Variants in UHRF2 observed in about 807,000 individuals in gnomAD.
UHRF2 encodes the protein ubiquitin like with PHD and ring finger domains 2.
UHRF2 carries 23 observed loss-of-function variants against 96.8 expected under a neutral mutation model. The ratio of observed to expected loss-of-function variants is 0.24; its 90% CI spans 0.17 to 0.34. The LOEUF (loss-of-function observed/expected upper bound fraction) is 0.34. Among genes scored for constraint, UHRF2 ranks in the 10% least tolerant of loss-of-function variants. The pLI, the probability that UHRF2 is intolerant of heterozygous loss-of-function variation, is 1.00. For synonymous variants in UHRF2, 385 were observed against 332.6 expected (o/e 1.16, Z -1.72); for missense variants, 685 against 981.5 (o/e 0.70, Z 4.04).
chr9:6,489,931 A>G (rs1443697962), intron 9 of UHRF2, among the ~76,000 whole-genome samples: 2 of 152,214 alleles, frequency 1.3e-5, no homozygotes, highest in Non-Finnish European at 2.9e-5. Context: ...ATGGCAAAGT[A>G]AATGGAAATG....
chr9:6,485,169 A>G (rs761932195), intron 8 of UHRF2, among the ~76,000 whole-genome samples: 1 of 152,172 alleles, frequency 6.6e-6, no homozygotes, highest in Non-Finnish European at 1.5e-5. Flanking sequence ...CAATAGTTGT[A>G]TTATAATTTT....
intron 9 of UHRF2, among the ~76,000 whole-genome samples, chr9:6,489,439 A>G (rs574218644): frequency 6.6e-6 from 1 of 152,328 alleles, no homozygotes; most frequent in South Asian, 2.1e-4. Context: ...CAGAAGTGCA[A>G]TTCCTGGGTC....
intron 2 of UHRF2, among the ~76,000 whole-genome samples, chr9:6,425,842 GC>G (rs1203224417): frequency 6.6e-6 from 1 of 151,972 alleles, no homozygotes; most frequent in Non-Finnish European, 1.5e-5. Flanking sequence ...TGCTTTTAGA[GC>G]CTTCAACAGA....
intron 15 of UHRF2, among the ~76,000 whole-genome samples, chr9:6,505,693 C>T (rs73639308): frequency 0.03 from 4,572 of 152,092 alleles, 253 homozygotes; most frequent in African/African-American, 0.1. Flanking sequence ...TTTTTTTCCC[C>T]CTCTAGGGCT....
At chr9:6,421,204 G>T in intron 2 of UHRF2, 62 bp downstream of exon 2, 1 of 1,296,262 alleles carries the variant, frequency 7.7e-7, no homozygotes, top group Non-Finnish European at 1.1e-6. Flanking sequence ...TTCTGTTCAG[G>T]ATGTTTTGAA....
At chr9:6,449,878 G>A (rs1821746060) in intron 3 of UHRF2, among the ~76,000 whole-genome samples, 1 of 152,292 alleles carries the variant, frequency 6.6e-6, no homozygotes, top group Admixed American at 6.5e-5. Context: ...GAGGCATTAA[G>A]CATGCCCTGT....
At chr9:6,425,146 TAATGTACTTC>T (rs1048390819) in intron 2 of UHRF2, among the ~76,000 whole-genome samples, 5 of 152,214 alleles carry the variant, frequency 3.3e-5, no homozygotes, top group African/African-American at 1.2e-4. Flanking sequence ...AGTGGGAAGT[TAATGTACTTC>T]ACTGCCTTGA....
In UHRF2 at chr9:6,413,395, G is replaced by A; in HGVS notation, c.-96G>A. ...CGCGCTCGCCCGCCTGCCGCTGAGGGCCCGAGCCGCAGGGAAAGCGGCGCG... is the reference window on the plus strand; with the variant it reads ...CGCGCTCGCCCGCCTGCCGCTGAGGACCCGAGCCGCAGGGAAAGCGGCGCG... On this transcript the variant is annotated 5_prime_UTR_variant, in exon 1 of 16. Coordinates refer to ENST00000276893, the MANE Select transcript of UHRF2 (RefSeq NM_152896.3). 1 of 1,217,988 alleles carries A rather than the reference G, an allele frequency of 8.2e-7. No homozygotes were observed. The highest frequency in any genetic ancestry group is 1.0e-6 in the Non-Finnish European group (1 of 960,452). 75.4% of individuals were successfully genotyped at this position (1,217,988 alleles called of 1,614,324 possible). A position where few individuals can be genotyped will look rare whatever the true frequency, so the allele number is the denominator to read the frequency against.
At chr9:6,488,388 A>G (rs1182409264) in intron 9 of UHRF2, among the ~76,000 whole-genome samples, 1 of 150,856 alleles carries the variant, frequency 6.6e-6, no homozygotes, top group East Asian at 1.9e-4. Context: ...CAATATCAGA[A>G]CCAGGATATT....
rs760551839 is a variant in UHRF2 at position 6,421,178 on chromosome 9, T to A, written c.384+36T>A. The A allele has an allele frequency of 6.3e-6, 9 of 1,434,440 alleles. No individual in the cohort carries two copies. The East Asian group carries it at 1.9e-4, about 30-fold the overall frequency. 88.9% of individuals were successfully genotyped at this position (1,434,440 alleles called of 1,614,324 possible). Reference sequence around the variant, plus strand: ...TTCTTCAGACTTACTGTTGTGAGAATACAAATAAATTTATTTTCTGTTCAG... The same window carrying A: ...TTCTTCAGACTTACTGTTGTGAGAAAACAAATAAATTTATTTTCTGTTCAG... On this transcript the variant is annotated intron_variant, in intron 2 of 15. Transcript: ENST00000276893.
At chr9:6,473,956 C>G (rs1823405266) in intron 4 of UHRF2, among the ~76,000 whole-genome samples, 2 of 152,128 alleles carry the variant, frequency 1.3e-5, no homozygotes, top group African/African-American at 4.8e-5. Flanking sequence ...AATGGTTGGA[C>G]TTGTTAACAG....
chr9:6,484,367 G>A (rs990068777), intron 8 of UHRF2, among the ~76,000 whole-genome samples: 9 of 151,418 alleles, frequency 5.9e-5, no homozygotes, highest in Non-Finnish European at 1.0e-4. Flanking sequence ...TAGTGGCGGC[G>A]GTGGTGGCAG....
rs1390455747 is a variant in UHRF2 at position 6,434,146 on chromosome 9, A to T, written c.617A>T (p.Asp206Val). The change falls in exon 3 of 16, where the codon GAC (aspartate) becomes GTC (valine). Residue 206 changes from aspartate to valine, a missense_variant. Physicochemically the swap from Asp to Val is radical, Grantham distance 152. Transcript: ENST00000276893. Reference sequence around the variant, plus strand: ...TCAGACTGTGTTGCTGCTGATGAAGACGTTATTTACCATATCCAGTATGAT... The same window carrying T: ...TCAGACTGTGTTGCTGCTGATGAAGTCGTTATTTACCATATCCAGTATGAT... ...SNSDCVAADEDVIYHIQYDEY... is the reference protein window; with the variant it reads ...SNSDCVAADEVVIYHIQYDEY... The T allele has an allele frequency of 1.9e-6, 3 of 1,613,836 alleles. No individual in the cohort carries two copies.
At chr9:6,448,356 T>C (rs1821646326) in intron 3 of UHRF2, among the ~76,000 whole-genome samples, 1 of 152,370 alleles carries the variant, frequency 6.6e-6, no homozygotes, top group Middle Eastern at 3.4e-3. Flanking sequence ...TACTATTTAG[T>C]TAACATGTAA....
At chr9:6,468,022 C>T (rs1822985500) in intron 4 of UHRF2, among the ~76,000 whole-genome samples, 1 of 152,020 alleles carries the variant, frequency 6.6e-6, no homozygotes, top group South Asian at 2.1e-4. Context: ...CATAATGTGT[C>T]TTATAGTTGC....
At chr9:6,426,691 T>C (rs778212065) in intron 2 of UHRF2, among the ~76,000 whole-genome samples, 1 of 152,180 alleles carries the variant, frequency 6.6e-6, no homozygotes, top group Non-Finnish European at 1.5e-5. Context: ...CATACTGACT[T>C]GTTGACTAAA....
intron 8 of UHRF2, among the ~76,000 whole-genome samples, chr9:6,486,619 G>A (rs949214180): frequency 6.6e-6 from 1 of 152,146 alleles, no homozygotes; most frequent in African/African-American, 2.4e-5. Flanking sequence ...GATTTAAAAT[G>A]AGAGAGCAAA....
chr9:6,468,822 A>T, intron 4 of UHRF2: 1 of 385,964 alleles, frequency 2.6e-6, no homozygotes, highest in South Asian at 1.9e-5. Flanking sequence ...TGGCTAAGGC[A>T]TACAGGTAGA....
At chr9:6,448,099 C>G (rs1373805358) in intron 3 of UHRF2, among the ~76,000 whole-genome samples, 1 of 152,110 alleles carries the variant, frequency 6.6e-6, no homozygotes, top group Non-Finnish European at 1.5e-5. Flanking sequence ...CCTACAAAGC[C>G]TACAATCTGG....
Sources: gnomAD v4.1 joint callset for allele counts (sites outside exome capture counted in the v4.1 genomes callset) on GRCh38, gnomAD v4.1.1 for gene constraint, MANE v1.5 for transcripts, NCBI Gene and HGNC (gene_info 2026-07-23, HGNC 2026-07-21) for gene names.